The following ELP4 variants were observed in gnomAD, a reference collection of about 807,000 sequenced individuals.
ELP4 encodes the protein elongator acetyltransferase complex subunit 4, also known as elongator complex protein 4.
Under a neutral mutation model 48.9 loss-of-function variants are expected in ELP4, and 51 were observed. The observed-to-expected ratio is 1.04, with a 90% CI of 0.83 to 1.32. The LOEUF (loss-of-function observed/expected upper bound fraction) is 1.32. Ranked by LOEUF, ELP4 falls within the 40% of genes most tolerant of loss-of-function variation. The probability of loss-of-function intolerance (pLI) is 0.00; values close to 1 mark genes in which losing one functional copy is unlikely to be tolerated. For synonymous variants in ELP4, 210 were observed against 189.2 expected, an observed-to-expected ratio of 1.11 and a Z score of -0.90; for missense variants, 519 against 514.6, an observed-to-expected ratio of 1.01 and a Z score of -0.08.
At position 31,783,696 on chromosome 11, in the gene ELP4, G is replaced by A. The variant is rs1948430213; in HGVS notation, c.*172G>A. 3 of 546,740 alleles carry A rather than the reference G, an allele frequency of 5.5e-6. No individual in the cohort carries two copies. Among genetic ancestry groups the A allele is most frequent in the South Asian group, 4.7e-5 (1 of 21,148 alleles). 33.9% of individuals were successfully genotyped at this position (546,740 alleles called of 1,614,324 possible). ...TTTAACTTTTTACAGAACTAGCACA[G>A]CAGAAATACTTTTAAATTTTTCCTT... is the stretch of plus-strand genomic sequence containing the variant. On this transcript the variant is annotated 3_prime_UTR_variant, in exon 10 of 10. Transcript: ENST00000640961.
At chr11:31,596,858 T>C (rs1003194722) in intron 4 of ELP4, among the ~76,000 whole-genome samples, 1 of 152,116 alleles carries the variant, frequency 6.6e-6, no homozygotes, top group African/African-American at 2.4e-5. Context: ...GGCAGAAATA[T>C]GAAAAGGAAA....
chr11:31,677,101 T>A (rs1356104361), intron 9 of ELP4, among the ~76,000 whole-genome samples: 1 of 152,236 alleles, frequency 6.6e-6, no homozygotes, highest in Non-Finnish European at 1.5e-5. Context: ...TATAGTCTAA[T>A]TGGCAATCAT....
At chr11:31,612,818 AAAGG>A (rs1157935565) in intron 5 of ELP4, among the ~76,000 whole-genome samples, 16 of 152,182 alleles carry the variant, frequency 1.1e-4, no homozygotes, top group Non-Finnish European at 1.2e-4. Flanking sequence ...CAGCAACTTA[AAAGG>A]AGAATGGCTG....
intron 5 of ELP4, among the ~76,000 whole-genome samples, chr11:31,609,179 G>A (rs1295890797): frequency 1.3e-5 from 2 of 152,190 alleles, no homozygotes; most frequent in Non-Finnish European, 2.9e-5. Context: ...ACAGGCCACA[G>A]AAGGGAGGCT....
intron 9 of ELP4, among the ~76,000 whole-genome samples, chr11:31,704,359 C>T (rs562621152): frequency 6.6e-6 from 1 of 152,158 alleles, no homozygotes; most frequent in East Asian, 1.9e-4. Context: ...AAGCTGGAAA[C>T]CATCATTCTC....
intron 9 of ELP4, among the ~76,000 whole-genome samples, chr11:31,751,846 T>C (rs1947728048): frequency 6.6e-6 from 1 of 152,150 alleles, no homozygotes; most frequent in African/African-American, 2.4e-5. Flanking sequence ...CATTGACTCC[T>C]CACCTCCAGT....
chr11:31,516,949 A>G (rs1162385690), intron 1 of ELP4, among the ~76,000 whole-genome samples: 1 of 152,228 alleles, frequency 6.6e-6, no homozygotes, highest in Admixed American at 6.5e-5. Context: ...TTGTAAATAT[A>G]TAAACTTAAA....
chr11:31,525,449 T>C (rs866544398), intron 2 of ELP4, among the ~76,000 whole-genome samples: 2 of 152,156 alleles, frequency 1.3e-5, no homozygotes, highest in African/African-American at 4.8e-5. Flanking sequence ...AACATGCCGA[T>C]ATAAGGAGTA....
In ELP4 at chr11:31,647,810, T is replaced by A. The variant is rs369889993; in HGVS notation, c.997T>A (p.Ser333Thr). 7 of 1,608,798 alleles carry A rather than the reference T, an allele frequency of 4.4e-6. No individual in the cohort carries two copies. Among genetic ancestry groups the A allele is most frequent in the Non-Finnish European group, 6.0e-6 (7 of 1,176,134 alleles). ...AGTTGGTCTGGAATCATTTATTGGT[T>A]CTGAGAGAGAAACTAACCCATTGTA... ...VVVGLESFIG[S>T]ERETNPLYKD... Residue 333 changes from serine (S) to threonine (T), a missense_variant, in exon 8 of 10, where the codon TCT (serine) becomes ACT (threonine). Coordinates refer to ENST00000640961, the MANE Select transcript of ELP4 (RefSeq NM_019040.5).
intron 3 of ELP4, among the ~76,000 whole-genome samples, chr11:31,575,051 A>G (rs1363751228): frequency 6.6e-6 from 1 of 152,256 alleles, no homozygotes; most frequent in Non-Finnish European, 1.5e-5. Context: ...AAAAAAGATT[A>G]GACGAATGGC....
intron 2 of ELP4, among the ~76,000 whole-genome samples, chr11:31,528,933 A>G (rs1956344846): frequency 6.6e-6 from 1 of 152,088 alleles, no homozygotes. Context: ...TAGTGTTGTC[A>G]TAGACAAATG....
chr11:31,553,506 A>G (rs925314297), intron 3 of ELP4, among the ~76,000 whole-genome samples: 4 of 151,950 alleles, frequency 2.6e-5, no homozygotes, highest in Non-Finnish European at 5.9e-5. Flanking sequence ...TATGACTCCT[A>G]CTGAAACATC....
chr11:31,519,014 CATGT>C lies in ELP4; in HGVS notation c.224-1041_224-1038del, dbSNP rs529688019. Among the ~76,000 whole-genome samples the C allele has an allele frequency of 2.8e-3, 429 of 151,918 alleles. 1 individual carries two copies. The highest frequency in any genetic ancestry group is 4.2e-3 in the Non-Finnish European group (284 of 67,932). ...ATTTTTAGTACAGACAGGGTTTCACCATGTTGTCCAGGCTGGTTTTGAACTCCTG... is the reference window on the plus strand; with the variant it reads ...ATTTTTAGTACAGACAGGGTTTCACCTGTCCAGGCTGGTTTTGAACTCCTG... On this transcript the variant is annotated intron_variant, in intron 1 of 9. Coordinates refer to ENST00000640961, the MANE Select transcript of ELP4 (RefSeq NM_019040.5).
At chr11:31,693,674 C>A (rs1402928241) in intron 9 of ELP4, among the ~76,000 whole-genome samples, 1 of 152,138 alleles carries the variant, frequency 6.6e-6, no homozygotes, top group East Asian at 1.9e-4. Context: ...CGAGTATATA[C>A]CCAGTAATGG....
At chr11:31,672,628 CA>C (rs370531711) in intron 9 of ELP4, among the ~76,000 whole-genome samples, 3 of 152,010 alleles carry the variant, frequency 2.0e-5, no homozygotes, top group South Asian at 4.2e-4. Flanking sequence ...CCCATCTCTA[CA>C]AAAAATACAA....
chr11:31,577,065 GA>G (rs1285419381), intron 3 of ELP4, among the ~76,000 whole-genome samples: 10 of 151,872 alleles, frequency 6.6e-5, no homozygotes, highest in Admixed American at 1.3e-4. Context: ...CGAAAAGAAA[GA>G]AGAATCAAAT....
At chr11:31,515,554 A>C (rs1294199714) in intron 1 of ELP4, among the ~76,000 whole-genome samples, 1 of 152,072 alleles carries the variant, frequency 6.6e-6, no homozygotes. Context: ...AATCCCAACT[A>C]TTTCAGAGGC....
chr11:31,686,438 G>T (rs1276098112), intron 9 of ELP4, among the ~76,000 whole-genome samples: 1 of 151,052 alleles, frequency 6.6e-6, no homozygotes, highest in East Asian at 1.9e-4. Flanking sequence ...TAAAACTTCA[G>T]ATTAAACATG....
At chr11:31,614,575 C>T (rs551667784) in intron 5 of ELP4, among the ~76,000 whole-genome samples, 1 of 152,102 alleles carries the variant, frequency 6.6e-6, no homozygotes, top group Admixed American at 6.5e-5. Context: ...CCACAAAATA[C>T]TTATTAACTA....
Sources: allele counts gnomAD v4.1 joint callset (sites outside exome capture counted in the v4.1 genomes callset), GRCh38; gene constraint gnomAD v4.1.1; transcripts MANE v1.5; gene names NCBI Gene and HGNC (gene_info 2026-07-23, HGNC 2026-07-21).